Variants in ALKBH8 observed in about 807,000 individuals in gnomAD.
ALKBH8 encodes the protein alkB homolog 8, tRNA methyltransferase, also known as tRNA (carboxymethyluridine(34)-5-O)-methyltransferase ALKBH8.
Under a neutral mutation model 59.8 loss-of-function variants are expected in ALKBH8, and 36 were observed. The observed-to-expected ratio is 0.60, with a 90% CI of 0.46 to 0.79. The LOEUF is 0.79. ALKBH8 is among the 30% of genes least tolerant of loss of function. The pLI, the probability that ALKBH8 is intolerant of heterozygous loss-of-function variation, is 0.00. For synonymous variants in ALKBH8, 276 were observed against 273.6 expected (o/e 1.01, Z -0.09); for missense variants, 768 against 801.0 (o/e 0.96, Z 0.50).
intron 1 of ALKBH8, among the ~76,000 whole-genome samples, chr11:107,564,143 C>T (rs988246529): frequency 6.6e-6 from 1 of 152,096 alleles, no homozygotes; most frequent in African/African-American, 2.4e-5. Context: ...CATGCTGAGT[C>T]CGGTTCAGCC....
chr11:107,548,177 G>T (rs1467277020), intron 7 of ALKBH8, among the ~76,000 whole-genome samples: 1 of 152,196 alleles, frequency 6.6e-6, no homozygotes, highest in Non-Finnish European at 1.5e-5. Flanking sequence ...AGAGCCAGCT[G>T]GTTTGTAGGA....
chr11:107,546,595 A>T (rs1359026914), intron 7 of ALKBH8, among the ~76,000 whole-genome samples: 2 of 152,202 alleles, frequency 1.3e-5, no homozygotes, highest in Non-Finnish European at 2.9e-5. Context: ...CAACAAGTTA[A>T]AACTTTTGGA....
rs5794554 is a variant in ALKBH8, at chr11:107,532,476, TAG to T, written c.772-72_772-71del. On this transcript the variant is annotated intron_variant, in intron 7 of 11. Coordinates refer to ENST00000428149, the MANE Select transcript of ALKBH8 (RefSeq NM_138775.3). ...ATACTCCAAGGATAAGAATGATTAA[TAG>T]AGTTTGGCTATTTTTCTAGGCTAAC... 612,701 of 1,211,140 alleles carry T rather than the reference TAG, an allele frequency of 0.51. 164,499 individuals carry two copies. Among genetic ancestry groups the T allele is most frequent in the Non-Finnish European group, 0.55 (455,061 of 822,962 alleles). 75.0% of individuals were successfully genotyped at this position (1,211,140 alleles called of 1,614,324 possible). A position where few individuals can be genotyped will look rare whatever the true frequency, so the allele number is the denominator to read the frequency against.
intron 3 of ALKBH8, among the ~76,000 whole-genome samples, chr11:107,554,418 A>G (rs138555757): frequency 6.6e-6 from 1 of 152,362 alleles, no homozygotes; most frequent in Non-Finnish European, 1.5e-5. Flanking sequence ...ATAAAATACA[A>G]CTTTCTAAAG....
At chr11:107,517,074 CAAAG>C (rs1862894052) in intron 10 of ALKBH8, among the ~76,000 whole-genome samples, 1 of 151,942 alleles carries the variant, frequency 6.6e-6, no homozygotes, top group South Asian at 2.1e-4. Flanking sequence ...ATAAAGAACT[CAAAG>C]AACTGTATGG....
chr11:107,538,613 T>A (rs571351520), intron 7 of ALKBH8, among the ~76,000 whole-genome samples: 5 of 152,188 alleles, frequency 3.3e-5, no homozygotes, highest in Admixed American at 2.6e-4. Context: ...GACATTCTCA[T>A]CTTATACAAC....
intron 9 of ALKBH8, 109 bp downstream of exon 9, chr11:107,525,332 T>A: frequency 1.0e-6 from 1 of 988,690 alleles, no homozygotes; most frequent in Non-Finnish European, 1.4e-6. Context: ...ATACAGGAAA[T>A]GCCATTAGAG....
intron 7 of ALKBH8, among the ~76,000 whole-genome samples, chr11:107,537,497 T>C (rs61908195): frequency 0.25 from 38,074 of 151,328 alleles, 5,537 homozygotes; most frequent in East Asian, 0.47. Context: ...AAGTGGTACC[T>C]GAATGATGAG....
intron 7 of ALKBH8, among the ~76,000 whole-genome samples, chr11:107,535,251 T>C (rs1305856213): frequency 2.0e-5 from 3 of 152,176 alleles, no homozygotes; most frequent in Admixed American, 2.0e-4. Context: ...ATAACTTCTT[T>C]TCCTCTGGGT....
chr11:107,542,497 TGTGCA>T (rs1453871684), intron 7 of ALKBH8, among the ~76,000 whole-genome samples: 2 of 152,210 alleles, frequency 1.3e-5, no homozygotes, highest in Non-Finnish European at 2.9e-5. Flanking sequence ...TTATTAAGTA[TGTGCA>T]GTGCTTGGGA....
At chr11:107,562,072 C>G (rs1334585972) in intron 1 of ALKBH8, among the ~76,000 whole-genome samples, 2 of 152,010 alleles carry the variant, frequency 1.3e-5, no homozygotes, top group East Asian at 1.9e-4. Context: ...CCAAGGCAGG[C>G]AGATCACTTG....
chr11:107,531,777 C>T (rs895338296), intron 8 of ALKBH8, among the ~76,000 whole-genome samples: 14 of 152,178 alleles, frequency 9.2e-5, no homozygotes, highest in African/African-American at 3.4e-4. Context: ...TAGTCTCTGT[C>T]AAATATTCTT....
At chr11:107,513,078 C>T (rs1027788635) in intron 10 of ALKBH8, among the ~76,000 whole-genome samples, 7 of 152,116 alleles carry the variant, frequency 4.6e-5, no homozygotes, top group Admixed American at 1.3e-4. Flanking sequence ...AGAGCTTCTG[C>T]ACGGCAAAAG....
chr11:107,509,140 G>GT (rs1242270647), intron 11 of ALKBH8, among the ~76,000 whole-genome samples: 2 of 152,174 alleles, frequency 1.3e-5, no homozygotes. Flanking sequence ...ATGCACAAGA[G>GT]TTCCAATTTC....
intron 7 of ALKBH8, among the ~76,000 whole-genome samples, chr11:107,532,836 C>G (rs1863653611): frequency 6.6e-6 from 1 of 152,088 alleles, no homozygotes; most frequent in Non-Finnish European, 1.5e-5. Flanking sequence ...CTTCTCAACT[C>G]TTACAGTATT....
chr11:107,541,191 T>C (rs570940596), intron 7 of ALKBH8, among the ~76,000 whole-genome samples: 2 of 152,298 alleles, frequency 1.3e-5, no homozygotes, highest in East Asian at 1.9e-4. Flanking sequence ...ATAATGATCA[T>C]GGCAATGGTA....
chr11:107,531,482 A>C (rs1002635945), intron 8 of ALKBH8, among the ~76,000 whole-genome samples: 3 of 152,360 alleles, frequency 2.0e-5, no homozygotes, highest in South Asian at 2.1e-4. Flanking sequence ...AGAGCAAAGG[A>C]AAGTTGAGAA....
intron 10 of ALKBH8, among the ~76,000 whole-genome samples, chr11:107,521,302 T>C (rs755488584): frequency 6.6e-6 from 1 of 152,220 alleles, no homozygotes; most frequent in Non-Finnish European, 1.5e-5. Flanking sequence ...CTTAGAAGAA[T>C]GGTATATCAC....
chr11:107,516,010 G>A (rs1862848583), intron 10 of ALKBH8, among the ~76,000 whole-genome samples: 1 of 152,084 alleles, frequency 6.6e-6, no homozygotes, highest in African/African-American at 2.4e-5. Flanking sequence ...ACACTAACCA[G>A]GCTAATAATA....
Sources: allele counts gnomAD v4.1 joint callset (sites outside exome capture counted in the v4.1 genomes callset), GRCh38; gene constraint gnomAD v4.1.1; transcripts MANE v1.5; gene names NCBI Gene and HGNC (gene_info 2026-07-23, HGNC 2026-07-21).